BAG5: variants seen among roughly 807,000 people sequenced by gnomAD.
The protein encoded by BAG5 is BAG family molecular chaperone regulator 5.
A neutral mutation model predicts 31.8 loss-of-function variants in BAG5; 25 were observed. The observed-to-expected ratio is 0.79, with a 90% CI of 0.57 to 1.10. The LOEUF (loss-of-function observed/expected upper bound fraction) is 1.10, where lower values mean the gene tolerates loss of function less well. BAG5 is among the 50% of genes least tolerant of loss of function. The pLI is 0.00. For synonymous variants in BAG5, 208 were observed against 205.0 expected (o/e 1.01, Z -0.13); for missense variants, 491 against 527.9 (o/e 0.93, Z 0.68).
At position 103,559,905 on chromosome 14, in the gene BAG5, A is replaced by C. The variant is rs1482109821; in HGVS notation, c.1260T>G (p.Cys420Trp). The C allele has an allele frequency of 6.2e-7, 1 of 1,614,088 alleles. No homozygotes were observed. Among genetic ancestry groups the C allele is most frequent in the Non-Finnish European group, 8.5e-7 (1 of 1,180,052 alleles). Residue 420 changes from cysteine to tryptophan, a missense_variant, in exon 2 of 2, where the codon TGT becomes TGG. By Grantham distance (215) the Cys-to-Trp change is radical (BLOSUM62 -2). Coordinates refer to ENST00000299204, the MANE Select transcript of BAG5 (RefSeq NM_001015048.3). ...TCACAGCTTGTTTCCTGGCAGCCTT[A>C]CACTTCTCTTCTCCCTGCGGATCAA... ...DAVDPQGEEK[C>W]KAARKQAVRL...
At position 103,558,619 on chromosome 14, in the gene BAG5, A is replaced by T. The variant is rs930835984; in HGVS notation, c.*1202T>A. 9 of 152,242 alleles carry T rather than the reference A, an allele frequency of 5.9e-5. No individual in the cohort carries two copies. Among genetic ancestry groups the T allele is most frequent in the African/African-American group, 2.2e-4 (9 of 41,464 alleles). 9.4% of individuals were successfully genotyped at this position (152,242 alleles called of 1,614,324 possible). A position where few individuals can be genotyped will look rare whatever the true frequency, so the allele number is the denominator to read the frequency against. On this transcript the variant is annotated 3_prime_UTR_variant, in exon 2 of 2. Coordinates refer to ENST00000299204, the MANE Select transcript of BAG5 (RefSeq NM_001015048.3). ...CACGACTGACTTTAATGGCTCTTTC[A>T]GGCAACAGAGAAACCACCACATGCC...
chr14:103,561,886 G>C (rs1480522397), intron 1 of BAG5: 6 of 1,534,922 alleles, frequency 3.9e-6, no homozygotes, highest in Non-Finnish European at 5.4e-6. Context: ...CGAAAACGTG[G>C]TAACTATGAA....
In BAG5 at chr14:103,560,643, C is replaced by T. The variant is rs750151456; in HGVS notation, c.522G>A (p.Pro174=). Residue 174 remains proline (P), a synonymous_variant, in exon 2 of 2, where the codon CCG becomes CCA. Coordinates refer to ENST00000299204, the MANE Select transcript of BAG5 (RefSeq NM_001015048.3). The part of the protein sequence containing the change: ...EDCMKKQPSL[P]LSEDAHPSVA... ...CGGAAGGATGTGCATCCTCGGAAAG[C>T]GGCAGGGAAGGCTGCTTTTTCATGC... 20 of 1,614,058 alleles carry T rather than the reference C, an allele frequency of 1.2e-5. 1 individual carries two copies. The highest frequency in any genetic ancestry group is 8.8e-5 in the South Asian group (8 of 91,084).
Position 103,559,856 on chromosome 14 carries a change from A to G in BAG5, c.1309T>C (p.Tyr437His). 6.2e-7 allele frequency: 1 copy of G among 1,613,872 alleles called. No individual in the cohort carries two copies. The highest frequency in any genetic ancestry group is 1.1e-5 in the South Asian group (1 of 91,078). Residue 437 changes from tyrosine (Y) to histidine (H), a missense_variant, in exon 2 of 2, where the codon TAT becomes CAT. Transcript: ENST00000299204. ...AVRLAQNILS[Y>H]LDLKSDEWEY Reference sequence around the variant, plus strand: ...CATTCATCAGATTTCAGGTCGAGATAGCTGAGAATATTCTGCGCAAGCCTC... The same window carrying G: ...CATTCATCAGATTTCAGGTCGAGATGGCTGAGAATATTCTGCGCAAGCCTC...
rs145061566 is a variant in BAG5 at position 103,558,844 on chromosome 14, C to T, written c.*977G>A. On this transcript the variant is annotated 3_prime_UTR_variant, in exon 2 of 2. Coordinates refer to ENST00000299204, the MANE Select transcript of BAG5 (RefSeq NM_001015048.3). ...CTACCCTCACGTTGTAAAACAGCAC[C>T]GGGGAGGTGTGACAAGGCTGTCCAT... The T allele has an allele frequency of 8.5e-5, 13 of 152,284 alleles. No individual in the cohort carries two copies. The highest frequency in any genetic ancestry group is 2.6e-4 in the African/African-American group (11 of 41,566). The allele number at this position is 152,284 out of a possible 1,614,324, so 9.4% of individuals were successfully genotyped here.
rs201848541 is a variant in BAG5 at position 103,561,207 on chromosome 14, G to A, written c.-28-15C>T. 1 of 1,575,312 alleles carries A rather than the reference G, an allele frequency of 6.3e-7. No individual in the cohort carries two copies. Among genetic ancestry groups the A allele is most frequent in the Admixed American group, 1.8e-5 (1 of 54,334 alleles). On this transcript the variant is annotated splice_polypyrimidine_tract_variant and intron_variant, in intron 1 of 1. Coordinates refer to ENST00000299204, the MANE Select transcript of BAG5 (RefSeq NM_001015048.3). ...TTTCACAAGCACTAAAAGACGACAA[G>A]AATGATAACTTACTACAGCACAAGG...
intron 1 of BAG5, 106 bp from the exon 2 acceptor site, chr14:103,561,298 T>C: frequency 8.1e-7 from 1 of 1,233,590 alleles, no homozygotes; most frequent in Non-Finnish European, 1.1e-6. Context: ...GGTATACTTC[T>C]GAGCAGTCAT....
At chr14:103,562,147 G>A (rs2076082445) in intron 1 of BAG5, 12 of 651,042 alleles carry the variant, frequency 1.8e-5, no homozygotes, top group Middle Eastern at 8.0e-4. Flanking sequence ...CGTGGCTGAG[G>A]TGGCGAGGTG....
rs1283670986 is a variant in BAG5 at position 103,557,573 on chromosome 14, T to C, written c.*2248A>G. 3 of 152,168 alleles carry C rather than the reference T, an allele frequency of 2.0e-5. No individual in the cohort carries two copies. Among genetic ancestry groups the C allele is most frequent in the Non-Finnish European group, 4.4e-5 (3 of 68,034 alleles). The allele number at this position is 152,168 out of a possible 1,614,324, so 9.4% of individuals were successfully genotyped here. ...ACTTTCAAAGAACAATGGACACTTT[T>C]AAAGGGAATGCTGACATTTAACTTT... On this transcript the variant is annotated 3_prime_UTR_variant, in exon 2 of 2. Transcript: ENST00000299204.
Position 103,559,772 on chromosome 14 carries a change from A to C in BAG5, c.*49T>G. 7.0e-6 allele frequency: 11 copies of C among 1,565,882 alleles called. No homozygotes were observed. The highest frequency in any genetic ancestry group is 9.5e-6 in the Non-Finnish European group (11 of 1,153,998). On this transcript the variant is annotated 3_prime_UTR_variant, in exon 2 of 2. Transcript: ENST00000299204. ...TGAACTGAAAGCTCTCTATACATAG[A>C]AGCACATATGAAGTGCAAAACAGTA...
intron 1 of BAG5, chr14:103,561,859 C>CA (rs34050832): frequency 0.26 from 345,455 of 1,311,620 alleles, 35,732 homozygotes; most frequent in East Asian, 0.3. Flanking sequence ...TCCACTCTCT[C>CA]AAAAAAAAAC....
chr14:103,559,983 GTTC>G lies in BAG5; in HGVS notation c.1179_1181del (p.Lys393del). ...TGAGCAGCTCTTCCAGCCGGATGTA[GTTC>G]TTATCGGTTCGATTTCCATCAAATG... On this transcript the variant is annotated inframe_deletion, in exon 2 of 2. Transcript: ENST00000299204. 1 of 1,614,214 alleles carries G rather than the reference GTTC, an allele frequency of 6.2e-7. No homozygotes were observed. The highest frequency in any genetic ancestry group is 8.5e-7 in the Non-Finnish European group (1 of 1,180,046).
chr14:103,559,974 C>T lies in BAG5; in HGVS notation c.1191G>A (p.Arg397=), dbSNP rs200572765. 1 of 1,614,214 alleles carries T rather than the reference C, an allele frequency of 6.2e-7. No individual in the cohort carries two copies. Among genetic ancestry groups the T allele is most frequent in the South Asian group, 1.1e-5 (1 of 91,090 alleles). The part of the protein sequence containing the change: ...DGNRTDKNYI[R]LEELLTKQLL... ...GCTGCTTGGTGAGCAGCTCTTCCAG[C>T]CGGATGTAGTTCTTATCGGTTCGAT... Residue 397 remains arginine (R), a synonymous_variant, in exon 2 of 2, where the codon CGG becomes CGA. Coordinates refer to ENST00000299204, the MANE Select transcript of BAG5 (RefSeq NM_001015048.3).
At position 103,560,292 on chromosome 14, in the gene BAG5, A is replaced by AT; in HGVS notation, c.872dup (p.Asn291LysfsTer2). On this transcript the variant is annotated frameshift_variant, in exon 2 of 2. Transcript: ENST00000299204. LOFTEE classifies it high-confidence loss of function. The stretch of plus-strand genomic sequence containing the variant: ...AAGGGTTTTGTGCTTGGAGAAGTTC[A>AT]TTTTTTATTTCTCTCATTCTCTTGA... 6.2e-7 allele frequency: 1 copy of AT among 1,614,054 alleles called. No individual in the cohort carries two copies. The highest frequency in any genetic ancestry group is 8.5e-7 in the Non-Finnish European group (1 of 1,180,006).
rs1595128028 is a variant in BAG5 at position 103,561,033 on chromosome 14, C to T, written c.132G>A (p.Arg44=). ...SDDKNYKKLE[R]ILTKQLFEID... ...TTTCAAAAAGCTGTTTTGTTAGAATCCTCTCCAGTTTCTTGTAATTCTTGT... is the reference window on the plus strand; with the variant it reads ...TTTCAAAAAGCTGTTTTGTTAGAATTCTCTCCAGTTTCTTGTAATTCTTGT... Residue 44 remains arginine (R), a synonymous_variant, in exon 2 of 2, where the codon AGG becomes AGA. Coordinates refer to ENST00000299204, the MANE Select transcript of BAG5 (RefSeq NM_001015048.3). The T allele has an allele frequency of 1.2e-6, 2 of 1,613,722 alleles. No individual in the cohort carries two copies. The highest frequency in any genetic ancestry group is 1.7e-6 in the Non-Finnish European group (2 of 1,180,040).
In BAG5 at chr14:103,556,757, A is replaced by G. The variant is rs562368987; in HGVS notation, c.*3064T>C. The stretch of plus-strand genomic sequence containing the variant: ...TGGCCAATATTTCTCTTATTAAGAG[A>G]AAAATACCCAACAAATTAAAAGGTG... On this transcript the variant is annotated 3_prime_UTR_variant, in exon 2 of 2. Coordinates refer to ENST00000299204, the MANE Select transcript of BAG5 (RefSeq NM_001015048.3). 1 of 152,222 alleles carries G rather than the reference A, an allele frequency of 6.6e-6. No homozygotes were observed. Among genetic ancestry groups the G allele is most frequent in the East Asian group, 1.9e-4 (1 of 5,182 alleles). The allele number at this position is 152,222 out of a possible 1,614,324, so 9.4% of individuals were successfully genotyped here. A position where few individuals can be genotyped will look rare whatever the true frequency, so the allele number is the denominator to read the frequency against.
At position 103,558,196 on chromosome 14, in the gene BAG5, G is replaced by A. The variant is rs1324828056; in HGVS notation, c.*1625C>T. On this transcript the variant is annotated 3_prime_UTR_variant, in exon 2 of 2. Transcript: ENST00000299204. The stretch of plus-strand genomic sequence containing the variant: ...CTGCCCTCTGACCCCACCGTCCAGC[G>A]ATTCTAGAACATTTCTAGTAGGAAA... 3.3e-5 allele frequency: 5 copies of A among 152,158 alleles called. No homozygotes were observed. The highest frequency in any genetic ancestry group is 9.7e-5 in the African/African-American group (4 of 41,428). The allele number at this position is 152,158 out of a possible 1,614,324, so 9.4% of individuals were successfully genotyped here.
intron 1 of BAG5, chr14:103,561,994 C>G: frequency 6.2e-7 from 1 of 1,613,488 alleles, no homozygotes; most frequent in Non-Finnish European, 8.5e-7. Flanking sequence ...GGTGGGTAAC[C>G]AATGGAAACG....
intron 1 of BAG5, chr14:103,561,719 C>A (rs905081652): frequency 5.2e-6 from 3 of 578,892 alleles, no homozygotes; most frequent in Non-Finnish European, 9.2e-6. Flanking sequence ...TAGCTCCTCA[C>A]ACATCTTCCC....
Sources: allele counts gnomAD v4.1 joint callset, GRCh38; gene constraint gnomAD v4.1.1; transcripts MANE v1.5; gene names NCBI Gene and HGNC (gene_info 2026-07-23, HGNC 2026-07-21).